The following LHX2 variants were observed in gnomAD, a reference collection of about 807,000 sequenced individuals.
The protein encoded by LHX2 is LIM/homeobox protein Lhx2.
A neutral mutation model predicts 33.0 loss-of-function variants in LHX2; 6 were observed. The ratio of observed to expected loss-of-function variants is 0.18; its 90% CI spans 0.10 to 0.36. LHX2 has a LOEUF of 0.36. Among genes scored for constraint, LHX2 ranks in the 10% least tolerant of loss-of-function variants. The pLI, the probability that LHX2 is intolerant of heterozygous loss-of-function variation, is 1.00. For synonymous variants in LHX2, 292 were observed against 253.1 expected, an observed-to-expected ratio of 1.15 and a Z score of -1.46; for missense variants, 442 against 586.2, an observed-to-expected ratio of 0.75 and a Z score of 2.54.
chr9:124,032,147 C>G lies in LHX2; in HGVS notation c.934-273C>G. 1 of 389,914 alleles carries G rather than the reference C, an allele frequency of 2.6e-6. No individual in the cohort carries two copies. Among genetic ancestry groups the G allele is most frequent in the East Asian group, 4.4e-5 (1 of 22,546 alleles). The allele number at this position is 389,914 out of a possible 1,614,324, so 24.2% of individuals were successfully genotyped here. A position where few individuals can be genotyped will look rare whatever the true frequency, so the allele number is the denominator to read the frequency against. On this transcript the variant is annotated intron_variant, in intron 4 of 4. Transcript: ENST00000373615. The surrounding 1 kb of genome is among the most constrained non-coding windows in gnomAD (Gnocchi z 4.1). Reference sequence around the variant, plus strand: ...GCCCCAGCTACCCAGGAGGCTGAGGCGGGAGGATCGCTTGATCCCAGGAGT... The same window carrying G: ...GCCCCAGCTACCCAGGAGGCTGAGGGGGGAGGATCGCTTGATCCCAGGAGT...
intron 4 of LHX2, among the ~76,000 whole-genome samples, chr9:124,029,066 C>T (rs1057171499): frequency 3.9e-5 from 6 of 152,016 alleles, no homozygotes; most frequent in Non-Finnish European, 7.4e-5. Context: ...GAGCTGAGAT[C>T]GTGCCACTGC....
In LHX2 at chr9:124,012,387, G is replaced by A; in HGVS notation, c.39G>A (p.Gly13=). The A allele has an allele frequency of 6.5e-7, 1 of 1,531,782 alleles. No homozygotes were observed. Among genetic ancestry groups the A allele is most frequent in the Non-Finnish European group, 8.7e-7 (1 of 1,143,958 alleles). The allele number at this position is 1,531,782 out of a possible 1,614,324, so 94.9% of individuals were successfully genotyped here. ...GTCTGTCGGGCCCCGAGGTGCACGGGGTCATCGACGAGATGGACCGCAGGG... is the reference window on the plus strand; with the variant it reads ...GTCTGTCGGGCCCCGAGGTGCACGGAGTCATCGACGAGATGGACCGCAGGG... ...FHSLSGPEVH[G]VIDEMDRRAK... is the part of the protein sequence containing the mutation. Residue 13 remains glycine (G), a synonymous_variant, in exon 1 of 5, where the codon GGG becomes GGA. Transcript: ENST00000373615. The surrounding 1 kb of genome is among the most constrained non-coding windows in gnomAD (Gnocchi z 4.3).
At chr9:124,025,401 A>G (rs1414139559) in intron 4 of LHX2, among the ~76,000 whole-genome samples, 1 of 148,262 alleles carries the variant, frequency 6.7e-6, no homozygotes, top group Admixed American at 6.7e-5. Context: ...AGATTGCGCC[A>G]CTGCACTCCA....
Position 124,013,948 on chromosome 9 carries a change from C to T in LHX2, c.121-13C>T, listed in dbSNP as rs764157289. The T allele has an allele frequency of 1.9e-6, 3 of 1,608,638 alleles. No individual in the cohort carries two copies. The highest frequency in any genetic ancestry group is 1.3e-5 in the African/African-American group (1 of 74,860). The stretch of plus-strand genomic sequence containing the variant: ...CGCAGGCGCTGCTGTCTTCCGCCTC[C>T]CTCCCTTCGCAGACCATGCCGTCCA... On this transcript the variant is annotated splice_polypyrimidine_tract_variant and intron_variant, in intron 1 of 4. Coordinates refer to ENST00000373615, the MANE Select transcript of LHX2 (RefSeq NM_004789.4).
At position 124,012,582 on chromosome 9, in the gene LHX2, T is replaced by G; in HGVS notation, c.120+114T>G. On this transcript the variant is annotated intron_variant, in intron 1 of 4. Coordinates refer to ENST00000373615, the MANE Select transcript of LHX2 (RefSeq NM_004789.4). The surrounding 1 kb of genome is among the most constrained non-coding windows in gnomAD (Gnocchi z 4.3). ...CTTCGTGCCGCACGGGACTGGGTGC[T>G]GGGGATCCTCGGTCAGAATGCAAGG... The G allele has an allele frequency of 8.1e-7, 1 of 1,240,320 alleles. No individual in the cohort carries two copies. Among genetic ancestry groups the G allele is most frequent in the Non-Finnish European group, 1.0e-6 (1 of 959,020 alleles). 76.8% of individuals were successfully genotyped at this position (1,240,320 alleles called of 1,614,324 possible). A position where few individuals can be genotyped will look rare whatever the true frequency, so the allele number is the denominator to read the frequency against.
chr9:124,013,123 C>G (rs774675393), intron 1 of LHX2, among the ~76,000 whole-genome samples: 6 of 152,202 alleles, frequency 3.9e-5, no homozygotes, highest in Non-Finnish European at 7.4e-5. Flanking sequence ...GCCAGTTCCT[C>G]GCCTCAGGCC....
chr9:124,028,257 C>A (rs1828656496), intron 4 of LHX2, among the ~76,000 whole-genome samples: 1 of 152,068 alleles, frequency 6.6e-6, no homozygotes, highest in African/African-American at 2.4e-5. Flanking sequence ...CTTCATCTAC[C>A]CAGGGCTTAT....
intron 4 of LHX2, among the ~76,000 whole-genome samples, chr9:124,023,150 G>A (rs1356496499): frequency 6.6e-6 from 1 of 152,140 alleles, no homozygotes; most frequent in Non-Finnish European, 1.5e-5. Flanking sequence ...CTTGGGGTTG[G>A]GCTGCCTTTT....
chr9:124,019,201 G>A (rs894699064), intron 3 of LHX2, among the ~76,000 whole-genome samples: 8 of 152,216 alleles, frequency 5.3e-5, no homozygotes, highest in Non-Finnish European at 1.0e-4. Flanking sequence ...CCGGGGGTGA[G>A]GGGACCTGAG....
chr9:124,032,791 T>G lies in LHX2; in HGVS notation c.*84T>G, dbSNP rs2118788227. Reference sequence around the variant, plus strand: ...TCCAAGTGTATTTTAAAATAGAGGCTTTGAGCAACTAACTAACCACATTTT... The same window carrying G: ...TCCAAGTGTATTTTAAAATAGAGGCGTTGAGCAACTAACTAACCACATTTT... On this transcript the variant is annotated 3_prime_UTR_variant, in exon 5 of 5. Transcript: ENST00000373615. This position sits in a 1 kb window ranked among gnomAD's most constrained non-coding sequence, Gnocchi z 4.1. 2 of 1,400,768 alleles carry G rather than the reference T, an allele frequency of 1.4e-6. No individual in the cohort carries two copies. The highest frequency in any genetic ancestry group is 4.7e-5 in the East Asian group (2 of 42,168). 86.8% of individuals were successfully genotyped at this position (1,400,768 alleles called of 1,614,324 possible).
chr9:124,022,733 C>T (rs1402820668), intron 4 of LHX2, among the ~76,000 whole-genome samples: 1 of 152,254 alleles, frequency 6.6e-6, no homozygotes, highest in African/African-American at 2.4e-5. Flanking sequence ...AAAAAATGCC[C>T]TCTGTGGGGC....
rs74627591 is a variant in LHX2, at chr9:124,014,675, T to C, written c.324-447T>C. On this transcript the variant is annotated intron_variant, in intron 2 of 4. Transcript: ENST00000373615. This position sits in a 1 kb window ranked among gnomAD's most constrained non-coding sequence, Gnocchi z 4.8. ...GTTCTCTGTTTCTCCTTCTCCCCAG[T>C]TTTAGGATTAGGGTCTATGTATATT... is the stretch of plus-strand genomic sequence containing the variant. Among the ~76,000 whole-genome samples, 1,263 of 152,278 alleles carry C rather than the reference T, an allele frequency of 8.3e-3. 19 individuals carry two copies. The highest frequency in any genetic ancestry group is 0.029 in the African/African-American group (1,186 of 41,546).
At position 124,032,572 on chromosome 9, in the gene LHX2, C is replaced by T. The variant is rs1200692724; in HGVS notation, c.1086C>T (p.Ser362=). Residue 362 remains serine, a synonymous_variant, in exon 5 of 5, where the codon AGC becomes AGT. Transcript: ENST00000373615. This position sits in a 1 kb window ranked among gnomAD's most constrained non-coding sequence, Gnocchi z 4.1. ...CCAACGCCTCGCTCAGCCCCTCCAGCACGCCCACCACCCTGACAGACTTGA... is the reference window on the plus strand; with the variant it reads ...CCAACGCCTCGCTCAGCCCCTCCAGTACGCCCACCACCCTGACAGACTTGA... ...ELSNASLSPS[S]TPTTLTDLTS... The T allele has an allele frequency of 1.2e-6, 2 of 1,614,040 alleles. No homozygotes were observed. The highest frequency in any genetic ancestry group is 1.6e-4 in the Middle Eastern group (1 of 6,084).
chr9:124,020,954 T>C (rs1859281311), intron 3 of LHX2, 145 bp from the exon 4 acceptor site: 2 of 700,298 alleles, frequency 2.9e-6, no homozygotes, highest in South Asian at 3.6e-5. Context: ...ATCTATAAAA[T>C]GGGGATGATG....
At chr9:124,013,889 C>T (rs879270000) in intron 1 of LHX2, 72 bp from the exon 2 acceptor site, 4 of 1,447,330 alleles carry the variant, frequency 2.8e-6, no homozygotes, top group South Asian at 1.2e-5. Flanking sequence ...GTTGTGGGTG[C>T]CGGTTTCCCG....
chr9:124,029,597 C>T (rs1018294200), intron 4 of LHX2, among the ~76,000 whole-genome samples: 2 of 152,184 alleles, frequency 1.3e-5, no homozygotes, highest in Non-Finnish European at 2.9e-5. Flanking sequence ...GGGGCAACAG[C>T]CTGAGAAATA....
At chr9:124,017,836 C>A (rs1347379013) in intron 3 of LHX2, among the ~76,000 whole-genome samples, 1 of 152,048 alleles carries the variant, frequency 6.6e-6, no homozygotes, top group Non-Finnish European at 1.5e-5. Context: ...GCAGCGGCCT[C>A]TTCCCGCAGC....
In LHX2 at chr9:124,032,841, A is replaced by T. The variant is rs1401099309; in HGVS notation, c.*134A>T. The T allele has an allele frequency of 4.9e-6, 5 of 1,018,556 alleles. No individual in the cohort carries two copies. The allele number at this position is 1,018,556 out of a possible 1,614,324, so 63.1% of individuals were successfully genotyped here. On this transcript the variant is annotated 3_prime_UTR_variant, in exon 5 of 5. Transcript: ENST00000373615. This position sits in a 1 kb window ranked among gnomAD's most constrained non-coding sequence, Gnocchi z 4.1. ...TAGGATCTCGCCTGGAAACAGAGGT[A>T]AAAAAAAGAAGTGTGCGCCCGGCTA...
chr9:124,012,580 GCTGGGGATCC>G lies in LHX2; in HGVS notation c.120+113_120+122del. 8.0e-7 allele frequency: 1 copy of G among 1,245,486 alleles called. No homozygotes were observed. Among genetic ancestry groups the G allele is most frequent in the Non-Finnish European group, 1.0e-6 (1 of 963,338 alleles). The allele number at this position is 1,245,486 out of a possible 1,614,324, so 77.2% of individuals were successfully genotyped here. A position where few individuals can be genotyped will look rare whatever the true frequency, so the allele number is the denominator to read the frequency against. On this transcript the variant is annotated intron_variant, in intron 1 of 4. Coordinates refer to ENST00000373615, the MANE Select transcript of LHX2 (RefSeq NM_004789.4). The surrounding 1 kb of genome is among the most constrained non-coding windows in gnomAD (Gnocchi z 4.3). ...TCCTTCGTGCCGCACGGGACTGGGT[GCTGGGGATCC>G]TCGGTCAGAATGCAAGGCCGGTGGC...
Sources: allele counts gnomAD v4.1 joint callset (sites outside exome capture counted in the v4.1 genomes callset), GRCh38; gene constraint gnomAD v4.1.1; non-coding constraint Gnocchi (gnomAD v3.1); transcripts MANE v1.5; gene names NCBI Gene and HGNC (gene_info 2026-07-23, HGNC 2026-07-21).